Variants in TRIM69 observed in about 807,000 individuals in gnomAD.
The protein encoded by TRIM69 is E3 ubiquitin-protein ligase TRIM69.
Under a neutral mutation model 37.7 loss-of-function variants are expected in TRIM69, and 29 were observed. The ratio of observed to expected loss-of-function variants is 0.77; its 90% CI spans 0.57 to 1.05. TRIM69 has a LOEUF of 1.05. Among genes scored for constraint, TRIM69 ranks in the 50% least tolerant of loss-of-function variants. TRIM69 has a pLI of 0.00. For missense variants in TRIM69, 596 were observed against 579.9 expected (o/e 1.03, Z -0.28); for synonymous variants, 209 against 212.4 (o/e 0.98, Z 0.14).
In TRIM69 at chr15:44,767,580, T is replaced by G; in HGVS notation, c.1311T>G (p.Thr437=). The G allele has an allele frequency of 6.2e-7, 1 of 1,614,208 alleles. No homozygotes were observed. The highest frequency in any genetic ancestry group is 8.5e-7 in the Non-Finnish European group (1 of 1,180,024). The change falls in exon 7 of 7, where the codon ACT becomes ACG. Residue 437 remains threonine (T), a synonymous_variant. Coordinates refer to ENST00000329464, the MANE Select transcript of TRIM69 (RefSeq NM_182985.5). The stretch of plus-strand genomic sequence containing the variant: ...TGCCTTCTTTCAGTCTGACACTGAC[T>G]AACAACCTCGACAAGGTGGGCATAT... ...LDLPSFSLTL[T]NNLDKVGIYL... is the part of the protein sequence containing the mutation.
At chr15:44,764,790 G>A (rs907509317) in intron 6 of TRIM69, among the ~76,000 whole-genome samples, 5 of 152,180 alleles carry the variant, frequency 3.3e-5, no homozygotes, top group African/African-American at 7.2e-5. Flanking sequence ...TGGGGAAAAA[G>A]CATTCTAGGA....
rs752115228 is a variant in TRIM69, at chr15:44,767,662, A to G, written c.1393A>G (p.Ile465Val). 1 of 1,614,170 alleles carries G rather than the reference A, an allele frequency of 6.2e-7. No individual in the cohort carries two copies. Among genetic ancestry groups the G allele is most frequent in the African/African-American group, 1.3e-5 (1 of 75,048 alleles). The change falls in exon 7 of 7, where the codon ATT becomes GTT. Residue 465 changes from isoleucine to valine, a missense_variant. Coordinates refer to ENST00000329464, the MANE Select transcript of TRIM69 (RefSeq NM_182985.5). The part of the protein sequence containing the change: ...SFYNAKTMTH[I>V]YTFSNTFMEK... ...CTACAATGCTAAAACCATGACTCAC[A>G]TTTACACCTTCAGTAACACTTTCAT...
chr15:44,760,033 A>G (rs1046781459), intron 6 of TRIM69, among the ~76,000 whole-genome samples, 161 bp downstream of exon 6: 13 of 152,160 alleles, frequency 8.5e-5, no homozygotes, highest in African/African-American at 3.1e-4. Context: ...TTCTTCTAGT[A>G]CCATGACCTA....
At chr15:44,766,287 G>A (rs984105137) in intron 6 of TRIM69, among the ~76,000 whole-genome samples, 21 of 152,254 alleles carry the variant, frequency 1.4e-4, no homozygotes, top group Admixed American at 7.8e-4. Context: ...ATCTTTGTCC[G>A]AGACTGTTAA....
At position 44,743,838 on chromosome 15, in the gene TRIM69, A is replaced by G. The variant is rs538073418; in HGVS notation, c.6+7128A>G. Reference sequence around the variant, plus strand: ...CTACAGAGGATGTGGATAAATAGGAACACTTTTACACTGTTGGTGGGACTG... The same window carrying G: ...CTACAGAGGATGTGGATAAATAGGAGCACTTTTACACTGTTGGTGGGACTG... On this transcript the variant is annotated intron_variant, in intron 1 of 6. Coordinates refer to ENST00000329464, the MANE Select transcript of TRIM69 (RefSeq NM_182985.5). 1.1e-4 allele frequency among the ~76,000 whole-genome samples: 17 copies of G among 152,304 alleles called. No homozygotes were observed. The South Asian group carries it at 3.3e-3, about 30-fold the overall frequency.
At position 44,762,834 on chromosome 15, in the gene TRIM69, G is replaced by T. The variant is rs182273027; in HGVS notation, c.961+2962G>T. Among the ~76,000 whole-genome samples, 7 of 152,072 alleles carry T rather than the reference G, an allele frequency of 4.6e-5. No homozygotes were observed. The East Asian group carries it at 1.2e-3, about 25-fold the overall frequency. On this transcript the variant is annotated intron_variant, in intron 6 of 6. Transcript: ENST00000329464. ...TATCATCATTGTCATTTCTGGGCCTGATTTTATTGTTTGATTGTTCTCCTG... is the reference window on the plus strand; with the variant it reads ...TATCATCATTGTCATTTCTGGGCCTTATTTTATTGTTTGATTGTTCTCCTG...
intron 4 of TRIM69, 117 bp downstream of exon 4, chr15:44,758,971 A>G (rs865907004): frequency 7.8e-7 from 1 of 1,282,858 alleles, no homozygotes; most frequent in Non-Finnish European, 1.1e-6. Flanking sequence ...AAACAAAACA[A>G]AACTGTTATA....
intron 1 of TRIM69, among the ~76,000 whole-genome samples, chr15:44,740,098 G>A (rs865897427): frequency 6.6e-6 from 1 of 152,198 alleles, no homozygotes; most frequent in Non-Finnish European, 1.5e-5. Flanking sequence ...TGCAGCCACC[G>A]CTGCTGATAC....
chr15:44,749,853 A>G (rs954572245), intron 1 of TRIM69, among the ~76,000 whole-genome samples: 19 of 152,354 alleles, frequency 1.2e-4, no homozygotes, highest in African/African-American at 4.3e-4. Context: ...TCAATTAACA[A>G]TGTACAAGAG....
intron 2 of TRIM69, among the ~76,000 whole-genome samples, chr15:44,755,659 A>C (rs188201713): frequency 5.9e-5 from 9 of 152,364 alleles, no homozygotes; most frequent in African/African-American, 2.2e-4. Flanking sequence ...GATAGATAAG[A>C]TATTGCTCTT....
At chr15:44,748,340 T>C (rs1317829841) in intron 1 of TRIM69, among the ~76,000 whole-genome samples, 2 of 152,232 alleles carry the variant, frequency 1.3e-5, no homozygotes, top group African/African-American at 4.8e-5. Context: ...TATTCATTTC[T>C]ATGACCCAGG....
At chr15:44,756,295 C>T in intron 2 of TRIM69, 73 bp from the exon 3 acceptor site, 6 of 1,031,622 alleles carry the variant, frequency 5.8e-6, no homozygotes, top group Non-Finnish European at 8.8e-6. Context: ...CACACTGGGG[C>T]CTTGGGGAAG....
intron 6 of TRIM69, among the ~76,000 whole-genome samples, chr15:44,761,435 T>A (rs1309288092): frequency 2.0e-5 from 3 of 152,140 alleles, no homozygotes; most frequent in African/African-American, 4.8e-5. Flanking sequence ...TGTATAGTAG[T>A]ATCTTATTGT....
chr15:44,767,247 T>C lies in TRIM69; in HGVS notation c.978T>C (p.Thr326=). ...TCTTACTAGGCCTGTCTCCACTAAC[T>C]CTGGACCCTAAAACAGCTCACCCAA... ...DTLCPGLSPL[T]LDPKTAHPNL... is the part of the protein sequence containing the mutation. The change falls in exon 7 of 7, where the codon ACT becomes ACC. Residue 326 remains threonine (T), a synonymous_variant. Coordinates refer to ENST00000329464, the MANE Select transcript of TRIM69 (RefSeq NM_182985.5). The C allele has an allele frequency of 1.9e-6, 3 of 1,613,732 alleles. No homozygotes were observed. Among genetic ancestry groups the C allele is most frequent in the South Asian group, 1.1e-5 (1 of 91,038 alleles).
chr15:44,765,240 A>G (rs2087860753), intron 6 of TRIM69, among the ~76,000 whole-genome samples: 1 of 152,196 alleles, frequency 6.6e-6, no homozygotes, highest in South Asian at 2.1e-4. Flanking sequence ...AAGCTGACTC[A>G]TGGGAATCTT....
chr15:44,750,193 A>G (rs1027374590), intron 1 of TRIM69, among the ~76,000 whole-genome samples: 3 of 152,220 alleles, frequency 2.0e-5, no homozygotes, highest in African/African-American at 7.2e-5. Flanking sequence ...CTCTTTTGCA[A>G]AAAGAAAACT....
intron 6 of TRIM69, 147 bp from the exon 7 acceptor site, chr15:44,767,084 A>AAAAAAAAAAAAT: frequency 2.6e-6 from 1 of 386,862 alleles, no homozygotes; most frequent in Non-Finnish European, 4.5e-6. Flanking sequence ...AAAAAAAAAA[A>AAAAAAAAAAAAT]GCATATAAGT....
intron 6 of TRIM69, among the ~76,000 whole-genome samples, chr15:44,765,789 A>G (rs1440464158): frequency 1.4e-5 from 2 of 143,856 alleles, no homozygotes; most frequent in Non-Finnish European, 2.9e-5. Flanking sequence ...ACAAACAAAA[A>G]AAAAACAGAG....
intron 4 of TRIM69, 26 bp downstream of exon 4, chr15:44,758,880 T>C: frequency 1.3e-6 from 2 of 1,596,446 alleles, no homozygotes; most frequent in South Asian, 1.1e-5. Context: ...AATATGATTA[T>C]GGGTACCTTC....
Sources: gnomAD v4.1 joint callset for allele counts (sites outside exome capture counted in the v4.1 genomes callset) on GRCh38, gnomAD v4.1.1 for gene constraint, MANE v1.5 for transcripts, NCBI Gene and HGNC (gene_info 2026-07-23, HGNC 2026-07-21) for gene names.